Variants in PALS1 observed in about 807,000 individuals in gnomAD.
PALS1 encodes protein PALS1.
In PALS1, 31 loss-of-function variants were observed where a neutral mutation model predicts 78.9. The ratio of observed to expected loss-of-function variants is 0.39; its 90% CI spans 0.30 to 0.53. The LOEUF (loss-of-function observed/expected upper bound fraction) is 0.53. Ranked by LOEUF, PALS1 falls within the 20% of genes least tolerant of loss-of-function variation. The pLI is 0.67. For synonymous variants in PALS1, 276 were observed against 270.9 expected (o/e 1.02, Z -0.18); for missense variants, 704 against 826.5 (o/e 0.85, Z 1.82).
Position 67,312,625 on chromosome 14 carries a change from TG to T in PALS1, c.1141del (p.Val381Ter). The T allele has an allele frequency of 6.2e-7, 1 of 1,613,802 alleles. No individual in the cohort carries two copies. The highest frequency in any genetic ancestry group is 1.3e-5 in the African/African-American group (1 of 75,010). Reference protein sequence around the residue: ...LSFQKGDILHVISQEDPNWWQ... With the variant: ...LSFQKGDILHXISQEDPNWWQ... ...CTTTTCAAAAAGGTGATATACTTCA[TG>T]TGATCAGTCAAGAAGATCCAAACTG... On this transcript the variant is annotated frameshift_variant, in exon 9 of 15. Coordinates refer to ENST00000261681, the MANE Select transcript of PALS1 (RefSeq NM_022474.4). LOFTEE classifies it high-confidence loss of function.
At chr14:67,325,979 C>CTTTTTTT (rs61592505) in intron 14 of PALS1, among the ~76,000 whole-genome samples, 112 of 110,156 alleles carry the variant, frequency 1.0e-3, no homozygotes, top group African/African-American at 1.7e-3. Context: ...CGGCTCTTTT[C>CTTTTTTT]TTTTTTTTTT....
At chr14:67,289,141 A>AT (rs61288545) in intron 3 of PALS1, among the ~76,000 whole-genome samples, 77,218 of 150,728 alleles carry the variant, frequency 0.51, 23,058 homozygotes, top group African/African-American at 0.83. Flanking sequence ...TAATTTTTGC[A>AT]TTTTTTTGTA....
chr14:67,291,062 G>A (rs1048260328), intron 3 of PALS1, among the ~76,000 whole-genome samples: 5 of 152,094 alleles, frequency 3.3e-5, no homozygotes, highest in African/African-American at 9.7e-5. Flanking sequence ...AATCACACAG[G>A]AAAAGCAGGG....
intron 13 of PALS1, among the ~76,000 whole-genome samples, chr14:67,321,908 G>A (rs750364719): frequency 5.3e-5 from 8 of 151,988 alleles, no homozygotes; most frequent in African/African-American, 9.7e-5. Flanking sequence ...TTCTGATTCC[G>A]ATATGAGAAA....
intron 3 of PALS1, among the ~76,000 whole-genome samples, chr14:67,286,960 G>A (rs938534571): frequency 6.8e-6 from 1 of 147,232 alleles, no homozygotes. Flanking sequence ...GCTCACGCCT[G>A]TAATCTCAGC....
intron 14 of PALS1, among the ~76,000 whole-genome samples, chr14:67,325,283 T>C (rs977520732): frequency 2.6e-5 from 4 of 152,180 alleles, no homozygotes; most frequent in Non-Finnish European, 5.9e-5. Context: ...CTTTTTTCAC[T>C]CTATGTCTAC....
rs2085494948 is a variant in PALS1, at chr14:67,334,258, A to T, written c.*1302A>T. 6.6e-6 allele frequency: 1 copy of T among 152,604 alleles called. No individual in the cohort carries two copies. Among genetic ancestry groups the T allele is most frequent in the Non-Finnish European group, 1.5e-5 (1 of 68,026 alleles). The allele number at this position is 152,604 out of a possible 1,614,324, so 9.5% of individuals were successfully genotyped here. ...TAAAAGAAACATTTAAGCTAATAGG[A>T]TTTTCGTACTGTCTCTATAGCTGTA... is the stretch of plus-strand genomic sequence containing the variant. On this transcript the variant is annotated 3_prime_UTR_variant, in exon 15 of 15. Coordinates refer to ENST00000261681, the MANE Select transcript of PALS1 (RefSeq NM_022474.4).
chr14:67,275,379 ATG>A (rs776227406), intron 2 of PALS1, among the ~76,000 whole-genome samples: 30 of 152,264 alleles, frequency 2.0e-4, no homozygotes, highest in Non-Finnish European at 3.5e-4. Flanking sequence ...TGAGATAATC[ATG>A]TGGTTTTTGT....
intron 13 of PALS1, among the ~76,000 whole-genome samples, chr14:67,323,338 T>G (rs986005259): frequency 6.6e-6 from 1 of 151,420 alleles, no homozygotes; most frequent in Non-Finnish European, 1.5e-5. Flanking sequence ...TTGGGCCAGG[T>G]GCAGTGGCTC....
chr14:67,282,392 C>T (rs1226546617), intron 3 of PALS1, among the ~76,000 whole-genome samples: 1 of 152,102 alleles, frequency 6.6e-6, no homozygotes, highest in African/African-American at 2.4e-5. Flanking sequence ...ATTTATTTCT[C>T]TGAGAGGAAG....
chr14:67,276,084 A>AT (rs1331001283), intron 2 of PALS1, among the ~76,000 whole-genome samples: 7 of 152,046 alleles, frequency 4.6e-5, no homozygotes, highest in African/African-American at 1.7e-4. Flanking sequence ...GGATTCATTG[A>AT]TTTTTTGAAG....
intron 3 of PALS1, among the ~76,000 whole-genome samples, chr14:67,286,855 C>CAAAAAA (rs201923149): frequency 1.5e-5 from 1 of 67,210 alleles, no homozygotes; most frequent in East Asian, 3.3e-4. Context: ...GACCTGGTCT[C>CAAAAAA]AAAAAAAAAA....
At chr14:67,255,227 A>G (rs2080246944) in intron 1 of PALS1, among the ~76,000 whole-genome samples, 2 of 152,140 alleles carry the variant, frequency 1.3e-5, no homozygotes, top group Admixed American at 1.3e-4. Flanking sequence ...CAGGGAAGGT[A>G]ATTGATTAAA....
chr14:67,326,478 G>C (rs985211353), intron 14 of PALS1, among the ~76,000 whole-genome samples: 3 of 151,764 alleles, frequency 2.0e-5, no homozygotes, highest in African/African-American at 7.3e-5. Context: ...CTTTTACTTT[G>C]CTGAAGTATA....
At chr14:67,323,204 T>C (rs2141004111) in intron 13 of PALS1, among the ~76,000 whole-genome samples, 1 of 141,584 alleles carries the variant, frequency 7.1e-6, no homozygotes, top group Non-Finnish European at 1.5e-5. Context: ...TATATGTGTA[T>C]ATATATACAT....
In PALS1 at chr14:67,279,211, C is replaced by T. The variant is rs532598453; in HGVS notation, c.41C>T (p.Ser14Leu). Residue 14 changes from serine (S) to leucine (L), a missense_variant, in exon 3 of 15, where the codon TCA becomes TTA. Physicochemically the swap from Ser to Leu is moderately radical, Grantham distance 145 (BLOSUM62 -2). Transcript: ENST00000261681. ...ATGAATGGGCATGTTACAGAGGAAT[C>T]AGACAGCGAAGTAAAAAATGTTGAT... ...SHMNGHVTEE[S>L]DSEVKNVDLA... 6.2e-7 allele frequency: 1 copy of T among 1,610,736 alleles called. No homozygotes were observed. Among genetic ancestry groups the T allele is most frequent in the Admixed American group, 1.7e-5 (1 of 59,282 alleles).
chr14:67,243,172 T>C (rs575506720), intron 1 of PALS1, among the ~76,000 whole-genome samples: 54 of 152,256 alleles, frequency 3.5e-4, no homozygotes, highest in African/African-American at 1.3e-3. Context: ...TATGTGCTTA[T>C]ATAGAATATA....
At chr14:67,268,900 C>G (rs551896092) in intron 1 of PALS1, among the ~76,000 whole-genome samples, 13 of 152,274 alleles carry the variant, frequency 8.5e-5, no homozygotes, top group African/African-American at 3.1e-4. Flanking sequence ...GTTCAAACCC[C>G]TCTGACACAT....
intron 8 of PALS1, among the ~76,000 whole-genome samples, chr14:67,310,087 T>C (rs930467158): frequency 6.6e-6 from 1 of 151,816 alleles, no homozygotes; most frequent in Non-Finnish European, 1.5e-5. Flanking sequence ...AGAAAACATA[T>C]TTCTAGATAA....
Sources: gnomAD v4.1 joint callset for allele counts (sites outside exome capture counted in the v4.1 genomes callset) on GRCh38, gnomAD v4.1.1 for gene constraint, MANE v1.5 for transcripts, NCBI Gene and HGNC (gene_info 2026-07-23, HGNC 2026-07-21) for gene names.